The following DST variants were observed in gnomAD, a reference collection of about 807,000 sequenced individuals.
The protein encoded by DST is bullous pemphigoid antigen.
In DST, 253 loss-of-function variants were observed where a neutral mutation model predicts 875.2. The observed-to-expected ratio is 0.29, with a 90% CI of 0.26 to 0.32. The LOEUF (loss-of-function observed/expected upper bound fraction) is 0.32. Among genes scored for constraint, DST ranks in the 10% least tolerant of loss-of-function variants. The probability of loss-of-function intolerance (pLI) is 1.00; values close to 1 mark genes in which losing one functional copy is unlikely to be tolerated. For missense variants in DST, 8,287 were observed against 9,111.6 expected, an observed-to-expected ratio of 0.91 and a Z score of 3.68; for synonymous variants, 3,124 against 3,197.1, an observed-to-expected ratio of 0.98 and a Z score of 0.77.
intron 5 of DST, among the ~76,000 whole-genome samples, chr6:56,734,517 G>A (rs2099515963): frequency 6.6e-6 from 1 of 152,152 alleles, no homozygotes; most frequent in Non-Finnish European, 1.5e-5. Flanking sequence ...TCCTTAAAAG[G>A]TGGGAGAAAG....
chr6:56,628,260 G>T (rs1289705098), intron 32 of DST, 99 bp from the exon 33 acceptor site: 2 of 1,066,982 alleles, frequency 1.9e-6, no homozygotes, highest in Non-Finnish European at 2.9e-6. Context: ...GGACTGCAAT[G>T]AACTAAGCAC....
chr6:56,632,905 C>A lies in DST; in HGVS notation c.3754G>T (p.Val1252Phe). The A allele has an allele frequency of 6.2e-7, 1 of 1,613,932 alleles. No individual in the cohort carries two copies. The highest frequency in any genetic ancestry group is 8.5e-7 in the Non-Finnish European group (1 of 1,179,952). The change falls in exon 28 of 104, where the codon GTT becomes TTT. Residue 1252 changes from valine (V) to phenylalanine (F), a missense_variant. By Grantham distance (50) the Val-to-Phe change is conservative. Around this residue, in one of 10 missense-constraint regions of DST, gnomAD observed 3,138 missense variants for 3,116.6 expected, o/e 1.01. Transcript: ENST00000680361. ...GSDITQLEKE[V>F]NVCKQYYQEL... ...TGATAATACTGCTTACATACATTAA[C>A]CTCCTTTTCCAGTTGTGTTATATCT...
intron 92 of DST, chr6:56,474,292 T>C (rs2095055018): frequency 4.1e-6 from 1 of 242,130 alleles, no homozygotes; most frequent in South Asian, 5.6e-5. Flanking sequence ...GAGACCAGCC[T>C]GACCAATATG....
Position 56,640,307 on chromosome 6 carries a change from G to A in DST, c.2326C>T (p.Pro776Ser), listed in dbSNP as rs147511004. ...YTPGFPSGLV[P>S]NFSSGVEPNS... is the part of the protein sequence containing the mutation. ...GGCTCTACTCCTGAACTGAAATTTG[G>A]AACTAATCCTGATGGGAAACCAGGT... The change falls in exon 18 of 104, where the codon CCA (proline) becomes TCA (serine). Residue 776 changes from proline to serine, a missense_variant. Physicochemically the swap from Pro to Ser is moderately conservative, Grantham distance 74. Transcript: ENST00000680361. The A allele has an allele frequency of 1.2e-5, 19 of 1,614,112 alleles. No individual in the cohort carries two copies. The African/African-American group carries it at 2.3e-4, about 19-fold the overall frequency.
chr6:56,692,115 T>C (rs573486296), intron 9 of DST, among the ~76,000 whole-genome samples: 3 of 152,312 alleles, frequency 2.0e-5, no homozygotes, highest in Admixed American at 2.0e-4. Context: ...TCAAAAGATA[T>C]GCACTCTCTT....
At chr6:56,529,027 AT>A in intron 66 of DST, 102 bp from the exon 67 acceptor site, 1 of 761,850 alleles carries the variant, frequency 1.3e-6, no homozygotes, top group African/African-American at 1.8e-5. Flanking sequence ...ACAGAGACAT[AT>A]TTGAGTAAAT....
chr6:56,712,035 G>A (rs2099366519), intron 5 of DST, among the ~76,000 whole-genome samples: 1 of 144,306 alleles, frequency 6.9e-6, no homozygotes, highest in South Asian at 2.2e-4. Context: ...AGCTTGCAGT[G>A]AGCCGAGATC....
At chr6:56,832,825 G>A (rs34614087) in intron 4 of DST, among the ~76,000 whole-genome samples, 3 of 151,858 alleles carry the variant, frequency 2.0e-5, no homozygotes, top group Non-Finnish European at 4.4e-5. Flanking sequence ...CTGCAACCTC[G>A]GCCTCCCAGG....
Position 56,560,340 on chromosome 6 carries a change from T to C in DST, c.14394A>G (p.Pro4798=). ...DKLTELLEEN[P]DTPEAPRWKQ... is the part of the protein sequence containing the mutation. ...TCCATCTGGGGGCCTCAGGAGTATCTGGGTTCTCCTCCAACAGCTCTGTCA... is the reference window on the plus strand; with the variant it reads ...TCCATCTGGGGGCCTCAGGAGTATCCGGGTTCTCCTCCAACAGCTCTGTCA... Residue 4798 remains proline, a synonymous_variant, in exon 58 of 104, where the codon CCA becomes CCG. Coordinates refer to ENST00000680361, the MANE Select transcript of DST (RefSeq NM_001374736.1). 6.2e-7 allele frequency: 1 copy of C among 1,610,850 alleles called. No individual in the cohort carries two copies. The highest frequency in any genetic ancestry group is 2.2e-5 in the East Asian group (1 of 44,824).
chr6:56,863,643 C>T (rs995098415), intron 3 of DST, among the ~76,000 whole-genome samples: 19 of 152,168 alleles, frequency 1.2e-4, no homozygotes, highest in African/African-American at 4.6e-4. Flanking sequence ...TTTCTCCTCC[C>T]TTTCTCAACC....
At chr6:56,656,533 A>G (rs1176514245) in intron 10 of DST, among the ~76,000 whole-genome samples, 1 of 152,192 alleles carries the variant, frequency 6.6e-6, no homozygotes, top group African/African-American at 2.4e-5. Context: ...AATCATCTCA[A>G]TTGACCCTAA....
rs1234114797 is a variant in DST at position 56,492,432 on chromosome 6, ACCTTTCCC to A, written c.20551-7_20551del. 1 of 1,607,578 alleles carries A rather than the reference ACCTTTCCC, an allele frequency of 6.2e-7. No homozygotes were observed. The highest frequency in any genetic ancestry group is 1.1e-5 in the South Asian group (1 of 88,816). On this transcript the variant is annotated splice_acceptor_variant and splice_polypyrimidine_tract_variant and coding_sequence_variant and intron_variant, in exon 85 of 104. Coordinates refer to ENST00000680361, the MANE Select transcript of DST (RefSeq NM_001374736.1). LOFTEE classifies it high-confidence loss of function. ...ATGAGAATTTACTTCATTGGCAAAA[ACCTTTCCC>A]AGAAAAAAAGGAAATAAGTAGAAAC...
chr6:56,867,689 T>C (rs1774885922), intron 3 of DST, among the ~76,000 whole-genome samples: 1 of 152,084 alleles, frequency 6.6e-6, no homozygotes, highest in Non-Finnish European at 1.5e-5. Flanking sequence ...TTTTGAGGTA[T>C]GGTGGTGCAC....
intron 5 of DST, among the ~76,000 whole-genome samples, chr6:56,722,563 T>C (rs2099425195): frequency 1.3e-5 from 2 of 152,120 alleles, no homozygotes; most frequent in African/African-American, 2.4e-5. Context: ...TTTGTATTTT[T>C]AGTAGAGACA....
intron 9 of DST, among the ~76,000 whole-genome samples, chr6:56,679,736 C>G (rs1055364117): frequency 1.3e-5 from 2 of 152,020 alleles, no homozygotes; most frequent in Admixed American, 6.6e-5. Flanking sequence ...TATGCCACTA[C>G]ACTCCAGCCT....
chr6:56,765,773 TTATTGGTCCCTGACAAC>T (rs368943295), intron 4 of DST, among the ~76,000 whole-genome samples: 158 of 152,298 alleles, frequency 1.0e-3, no homozygotes, highest in South Asian at 9.5e-3. Context: ...CAGACTTCAG[TTATTGGTCCCTGACAAC>T]TATCAGGAAT....
At chr6:56,809,765 G>T (rs1023109537) in intron 4 of DST, among the ~76,000 whole-genome samples, 10 of 152,090 alleles carry the variant, frequency 6.6e-5, no homozygotes, top group Admixed American at 2.6e-4. Context: ...AACAAGAAAA[G>T]AAACTGATAT....
At chr6:56,503,594 TACACACACACACACACAC>T (rs10637850) in intron 78 of DST, among the ~76,000 whole-genome samples, 2 of 140,806 alleles carry the variant, frequency 1.4e-5, no homozygotes, top group Non-Finnish European at 3.1e-5. Context: ...TACCTATACA[TACACACACACACACACAC>T]ACACACACAC....
At chr6:56,845,130 G>C (rs1358558113) in intron 4 of DST, among the ~76,000 whole-genome samples, 1 of 152,188 alleles carries the variant, frequency 6.6e-6, no homozygotes, top group Non-Finnish European at 1.5e-5. Flanking sequence ...TACAGTGACA[G>C]GATGATACCT....
Sources: allele counts gnomAD v4.1 joint callset (sites outside exome capture counted in the v4.1 genomes callset), GRCh38; gene constraint gnomAD v4.1.1; regional missense constraint gnomAD v4.1.1; transcripts MANE v1.5; gene names NCBI Gene and HGNC (gene_info 2026-07-23, HGNC 2026-07-21).